SNTG1: variants seen among roughly 807,000 people sequenced by gnomAD.
SNTG1 encodes gamma-1-syntrophin.
A neutral mutation model predicts 74.7 loss-of-function variants in SNTG1; 39 were observed. The ratio of observed to expected loss-of-function variants is 0.52; its 90% confidence interval spans 0.40 to 0.68. The LOEUF (loss-of-function observed/expected upper bound fraction) is 0.68, where lower values mean the gene tolerates loss of function less well. Ranked by LOEUF, SNTG1 falls within the 30% of genes least tolerant of loss-of-function variation. The pLI is 0.00. For missense variants in SNTG1, 685 were observed against 609.5 expected (o/e 1.12, Z -1.30); for synonymous variants, 254 against 217.1 (o/e 1.17, Z -1.49).
At chr8:50,532,524 G>A (rs547045472) in intron 10 of SNTG1, among the ~76,000 whole-genome samples, 151 of 152,308 alleles carry the variant, frequency 9.9e-4, no homozygotes, top group Non-Finnish European at 1.8e-3. Context: ...AAAATTCAAC[G>A]TAAGTTGAGA....
chr8:50,477,875 T>G (rs2093709239), intron 8 of SNTG1, among the ~76,000 whole-genome samples: 1 of 152,220 alleles, frequency 6.6e-6, no homozygotes, highest in Admixed American at 6.5e-5. Context: ...TTTTATTTAT[T>G]TTTCTCTCTC....
chr8:50,388,072 A>C (rs2092602341), intron 2 of SNTG1, among the ~76,000 whole-genome samples: 1 of 152,170 alleles, frequency 6.6e-6, no homozygotes, highest in South Asian at 2.1e-4. Flanking sequence ...GACTAGCAGG[A>C]TGAGACTCTG....
chr8:50,087,955 C>A (rs1248192723), intron 1 of SNTG1, among the ~76,000 whole-genome samples: 30 of 128,944 alleles, frequency 2.3e-4, no homozygotes, highest in Non-Finnish European at 4.5e-4. Context: ...CCACAGTCCC[C>A]AGAGTGTGAT....
Position 50,307,171 on chromosome 8 carries a change from T to C in SNTG1, c.-27-87041T>C, listed in dbSNP as rs181689247. Among the ~76,000 whole-genome samples, 741 of 152,214 alleles carry C rather than the reference T, an allele frequency of 4.9e-3. 3 individuals are homozygous for C. Among genetic ancestry groups the C allele is most frequent in the Non-Finnish European group, 7.1e-3 (480 of 67,966 alleles). On this transcript the variant is annotated intron_variant, in intron 2 of 18. Transcript: ENST00000642720. ...TAAAGCTCTTGGCTATTATGAATAGTTCTGACGACCAAGGTGTCAATCTCT... is the reference window on the plus strand; with the variant it reads ...TAAAGCTCTTGGCTATTATGAATAGCTCTGACGACCAAGGTGTCAATCTCT...
intron 17 of SNTG1, among the ~76,000 whole-genome samples, chr8:50,728,734 T>A (rs1275426632): frequency 1.3e-5 from 2 of 152,144 alleles, no homozygotes; most frequent in Non-Finnish European, 2.9e-5. Context: ...TGTTGTAAAA[T>A]CTCTGAAGTA....
chr8:50,147,152 G>A (rs186249910), intron 1 of SNTG1, among the ~76,000 whole-genome samples: 17 of 152,232 alleles, frequency 1.1e-4, no homozygotes, highest in South Asian at 4.1e-4. Context: ...CATGATACTT[G>A]GGTGGTAGAT....
intron 8 of SNTG1, among the ~76,000 whole-genome samples, chr8:50,463,730 T>C (rs2093586768): frequency 6.6e-6 from 1 of 152,146 alleles, no homozygotes; most frequent in African/African-American, 2.4e-5. Flanking sequence ...TACACAGACA[T>C]TGGCTTCAAC....
intron 1 of SNTG1, among the ~76,000 whole-genome samples, chr8:50,109,460 T>C (rs2080500252): frequency 6.6e-6 from 1 of 152,048 alleles, no homozygotes; most frequent in Non-Finnish European, 1.5e-5. Context: ...GGAGGAATCA[T>C]AGTGGGGAAA....
chr8:50,495,302 C>T (rs1310957622), intron 8 of SNTG1, among the ~76,000 whole-genome samples: 2 of 151,888 alleles, frequency 1.3e-5, no homozygotes, highest in Non-Finnish European at 2.9e-5. Flanking sequence ...CATACAATGC[C>T]TCCCCAGGAA....
intron 4 of SNTG1, among the ~76,000 whole-genome samples, chr8:50,425,865 T>C (rs2093157462): frequency 6.6e-6 from 1 of 152,182 alleles, no homozygotes; most frequent in Non-Finnish European, 1.5e-5. Context: ...AAGCTTGCAG[T>C]GAAGAAGCAA....
chr8:50,742,410 CCTAA>C (rs1211059355), intron 17 of SNTG1, among the ~76,000 whole-genome samples: 8 of 151,822 alleles, frequency 5.3e-5, no homozygotes, highest in Admixed American at 3.3e-4. Flanking sequence ...TCAACACACT[CCTAA>C]CTGTCAACTG....
At chr8:50,337,962 C>T (rs1038760339) in intron 2 of SNTG1, among the ~76,000 whole-genome samples, 5 of 151,980 alleles carry the variant, frequency 3.3e-5, no homozygotes, top group Non-Finnish European at 7.4e-5. Context: ...CGGTGAAACC[C>T]CGTCTCTACT....
chr8:50,619,966 AATT>A (rs1277687964), intron 13 of SNTG1, among the ~76,000 whole-genome samples: 2 of 151,848 alleles, frequency 1.3e-5, no homozygotes, highest in Non-Finnish European at 2.9e-5. Context: ...AGCCATATCA[AATT>A]GACACAAATT....
intron 2 of SNTG1, among the ~76,000 whole-genome samples, chr8:50,196,464 C>T (rs371373713): frequency 2.0e-5 from 3 of 152,196 alleles, no homozygotes; most frequent in African/African-American, 7.2e-5. Flanking sequence ...TTCTTTAAGC[C>T]GTGTCTACTT....
intron 1 of SNTG1, among the ~76,000 whole-genome samples, chr8:50,063,194 T>C (rs118172395): frequency 9.2e-5 from 14 of 152,326 alleles, no homozygotes; most frequent in Non-Finnish European, 2.1e-4. Flanking sequence ...TCCAATTTTA[T>C]TAGCAAAATA....
intron 16 of SNTG1, among the ~76,000 whole-genome samples, chr8:50,707,175 T>C (rs1344475066): frequency 6.6e-6 from 1 of 152,086 alleles, no homozygotes; most frequent in Non-Finnish European, 1.5e-5. Flanking sequence ...GAAAATCTAA[T>C]TTAATTTGTA....
chr8:50,767,716 T>G lies in SNTG1; in HGVS notation c.1395+15605T>G, dbSNP rs2095617266. The stretch of plus-strand genomic sequence containing the variant: ...TAATACAGCTAGGCTTACTGATATA[T>G]TCTCATAGTCATTTATAACTAAACA... On this transcript the variant is annotated intron_variant, in intron 18 of 18. Coordinates refer to ENST00000642720, the MANE Select transcript of SNTG1 (RefSeq NM_018967.5). Among the ~76,000 whole-genome samples, 5 of 152,122 alleles carry G rather than the reference T, an allele frequency of 3.3e-5. No homozygotes were observed. In the South Asian group the frequency reaches 6.2e-4, roughly 19 times the overall value.
At chr8:50,371,261 A>G (rs1396393601) in intron 2 of SNTG1, among the ~76,000 whole-genome samples, 1 of 152,140 alleles carries the variant, frequency 6.6e-6, no homozygotes, top group African/African-American at 2.4e-5. Flanking sequence ...ATGTTATCTG[A>G]CTCACTAAGC....
At chr8:50,739,222 A>C (rs912592156) in intron 17 of SNTG1, among the ~76,000 whole-genome samples, 1 of 152,142 alleles carries the variant, frequency 6.6e-6, no homozygotes, top group Non-Finnish European at 1.5e-5. Context: ...TACAAGAAAA[A>C]AACAAACAAC....
Sources: allele counts gnomAD v4.1 joint callset (sites outside exome capture counted in the v4.1 genomes callset), GRCh38; gene constraint gnomAD v4.1.1; transcripts MANE v1.5; gene names NCBI Gene and HGNC (gene_info 2026-07-23, HGNC 2026-07-21).